ZNF398: variants seen among roughly 807,000 people sequenced by gnomAD.
ZNF398 encodes zinc finger protein 398.
ZNF398 carries 18 observed loss-of-function variants against 41.9 expected under a neutral mutation model. The ratio of observed to expected loss-of-function variants is 0.43; its 90% CI spans 0.30 to 0.64. The LOEUF is 0.64. Among genes scored for constraint, ZNF398 ranks in the 30% least tolerant of loss-of-function variants. The pLI is 0.14. For missense variants in ZNF398, 669 were observed against 822.8 expected, an observed-to-expected ratio of 0.81 and a Z score of 2.29; for synonymous variants, 260 against 308.8, an observed-to-expected ratio of 0.84 and a Z score of 1.66.
At chr7:149,135,559 G>C (rs967040763) in intron 2 of ZNF398, among the ~76,000 whole-genome samples, 5 of 152,008 alleles carry the variant, frequency 3.3e-5, no homozygotes, top group African/African-American at 9.7e-5. Flanking sequence ...GGATGCTGCT[G>C]CGTACACTGC....
In ZNF398 at chr7:149,128,781, T is replaced by TAAAATAAAATAAAATA. The variant is rs1826537779; in HGVS notation, c.-611-41_-611-40insAAATAAAATAAAATAA. 75 of 11,930 alleles carry TAAAATAAAATAAAATA rather than the reference T, an allele frequency of 6.3e-3. 1 individual carries two copies. The highest frequency in any genetic ancestry group is 0.016 in the African/African-American group (70 of 4,416). 0.7% of individuals were successfully genotyped at this position (11,930 alleles called of 1,614,324 possible). A position where few individuals can be genotyped will look rare whatever the true frequency, so the allele number is the denominator to read the frequency against. ...AAAATAAAATAAAATAAAATAAAAT[T>TAAAATAAAATAAAATA]ATATATATATATATATTGTTTGTTT... On this transcript the variant is annotated intron_variant, in intron 1 of 6. Transcript: ENST00000426851.
intron 1 of ZNF398, chr7:149,128,754 A>AT (rs1826534814): frequency 7.1e-6 from 1 of 140,746 alleles, no homozygotes; most frequent in African/African-American, 2.8e-5. Context: ...CTCTGTCTCA[A>AT]AAAAATAAAA....
chr7:149,166,504 G>A (rs1795228434), intron 3 of ZNF398, among the ~76,000 whole-genome samples: 1 of 152,242 alleles, frequency 6.6e-6, no homozygotes, highest in Non-Finnish European at 1.5e-5. Flanking sequence ...GGTTATGGGT[G>A]TGACAGCTGG....
intron 2 of ZNF398, among the ~76,000 whole-genome samples, chr7:149,133,937 G>A (rs544095550): frequency 6.8e-6 from 1 of 147,062 alleles, no homozygotes; most frequent in Non-Finnish European, 1.5e-5. Flanking sequence ...TTTTAGTAGA[G>A]ACGGAGTTTC....
Position 149,179,161 on chromosome 7 carries a change from C to G in ZNF398, c.1289C>G (p.Pro430Arg). The G allele has an allele frequency of 1.2e-6, 2 of 1,613,940 alleles. No individual in the cohort carries two copies. ...AGCACTGAGCGTCCTTTCCCCTGTC[C>G]TGATTGCCCCAAGCGCTTTGCTGAC... The part of the protein sequence containing the change: ...HNSTERPFPC[P>R]DCPKRFADQA... The change falls in exon 6 of 6, where the codon CCT becomes CGT. Residue 430 changes from proline to arginine, a missense_variant. Around this residue, in one of 3 missense-constraint regions of ZNF398, gnomAD observed 290 missense variants for 292.9 expected, o/e 0.99. Coordinates refer to ENST00000475153, the MANE Select transcript of ZNF398 (RefSeq NM_170686.3). The surrounding 1 kb of genome is among the most constrained non-coding windows in gnomAD (Gnocchi z 6.1).
Position 149,155,718 on chromosome 7 carries a change from T to A in ZNF398, c.420+1378T>A, listed in dbSNP as rs1202441. ...ATATATATATATATATTTTTTTTTTTTTTTTTTTTTTAATTTTTTTTTTTT... is the reference window on the plus strand; with the variant it reads ...ATATATATATATATATTTTTTTTTTATTTTTTTTTTTAATTTTTTTTTTTT... On this transcript the variant is annotated intron_variant, in intron 2 of 5. Coordinates refer to ENST00000475153, the MANE Select transcript of ZNF398 (RefSeq NM_170686.3). Among the ~76,000 whole-genome samples the A allele has an allele frequency of 9.0e-4, 22 of 24,328 alleles. 1 individual carries two copies. Among genetic ancestry groups the A allele is most frequent in the South Asian group, 7.4e-3 (3 of 404 alleles). The allele number at this position is 24,328 out of a possible 152,430, so 16.0% of individuals were successfully genotyped here. A position where few individuals can be genotyped will look rare whatever the true frequency, so the allele number is the denominator to read the frequency against.
exon 1 of ZNF398, chr7:149,126,500 G>A (rs902552117): frequency 8.7e-5 from 45 of 518,434 alleles, no homozygotes; most frequent in South Asian, 5.5e-4. Context: ...TCCCGGATCT[G>A]CATGCGAGGG....
chr7:149,151,217 TA>T, intron 1 of ZNF398: 1 of 1,212,428 alleles, frequency 8.2e-7, no homozygotes, highest in Non-Finnish European at 1.1e-6. Context: ...GCACGCTTAC[TA>T]ATCTGCTTAC....
Position 149,147,841 on chromosome 7 carries a change from A to G in ZNF398, c.24+75A>G. On this transcript the variant is annotated intron_variant, in intron 1 of 5. Coordinates refer to ENST00000475153, the MANE Select transcript of ZNF398 (RefSeq NM_170686.3). This position sits in a 1 kb window ranked among gnomAD's most constrained non-coding sequence, Gnocchi z 5.6. ...GAGGGAGGAAGGCGGGCGGGCAGGG[A>G]GCTGCCAGGCATAGGCGCCGTTCTC... The G allele has an allele frequency of 7.6e-7, 1 of 1,308,600 alleles. No individual in the cohort carries two copies. Among genetic ancestry groups the G allele is most frequent in the South Asian group, 2.0e-5 (1 of 49,720 alleles). 81.1% of individuals were successfully genotyped at this position (1,308,600 alleles called of 1,614,324 possible).
intron 2 of ZNF398, among the ~76,000 whole-genome samples, chr7:149,131,349 G>A (rs1431277129): frequency 3.3e-5 from 5 of 152,048 alleles, no homozygotes; most frequent in African/African-American, 4.8e-5. Context: ...TGATAAATAT[G>A]GACTTTTTAT....
intron 2 of ZNF398, among the ~76,000 whole-genome samples, chr7:149,133,654 A>AATATATATATAT (rs146151029): frequency 8.4e-5 from 6 of 71,852 alleles, no homozygotes; most frequent in South Asian, 7.1e-4. Context: ...GTGTTTTTTA[A>AATATATATATAT]ATATATATAT....
upstream of ZNF398, among the ~76,000 whole-genome samples, chr7:149,144,361 A>T (rs1484408299): frequency 1.3e-5 from 2 of 152,108 alleles, no homozygotes; most frequent in Non-Finnish European, 2.9e-5. Flanking sequence ...CCCAGGCTGG[A>T]GTGCAGTGGT....
chr7:149,161,052 T>C (rs79365041), intron 2 of ZNF398, among the ~76,000 whole-genome samples: 5,458 of 152,126 alleles, frequency 0.036, 316 homozygotes, highest in African/African-American at 0.12. Context: ...CCAGGATTCC[T>C]CAGATTTCCC....
intron 4 of ZNF398, among the ~76,000 whole-genome samples, chr7:149,176,109 G>A (rs940578703): frequency 3.9e-5 from 6 of 152,154 alleles, no homozygotes; most frequent in African/African-American, 1.2e-4. Context: ...AAGGTGGGCG[G>A]ATCATGAGGT....
At chr7:149,161,150 C>T (rs1206521005) in intron 2 of ZNF398, among the ~76,000 whole-genome samples, 1 of 152,176 alleles carries the variant, frequency 6.6e-6, no homozygotes, top group Non-Finnish European at 1.5e-5. Flanking sequence ...TATCCCTCCT[C>T]CTCTTTGCTC....
intron 2 of ZNF398, among the ~76,000 whole-genome samples, chr7:149,133,680 C>CACAT (rs1425399453): frequency 2.7e-5 from 1 of 36,476 alleles, no homozygotes; most frequent in African/African-American, 8.7e-5. Context: ...TATATATATA[C>CACAT]ATATATATGT....
chr7:149,127,404 T>G (rs1337388359), intron 1 of ZNF398, among the ~76,000 whole-genome samples: 1 of 151,320 alleles, frequency 6.6e-6, no homozygotes, highest in Non-Finnish European at 1.5e-5. Flanking sequence ...AAAAAAAACC[T>G]TACATTAAAA....
intron 2 of ZNF398, among the ~76,000 whole-genome samples, chr7:149,131,301 T>C (rs1303536798): frequency 2.0e-5 from 3 of 152,248 alleles, no homozygotes; most frequent in Non-Finnish European, 2.9e-5. Context: ...TTTTTGTTCT[T>C]GCTCCTTGTC....
chr7:149,155,725 T>TATTTA (rs1563159571), intron 2 of ZNF398, among the ~76,000 whole-genome samples: 10 of 52,656 alleles, frequency 1.9e-4, no homozygotes, highest in African/African-American at 4.0e-4. Context: ...TTTTTTTTTT[T>TATTTA]TTTTAATTTT....
Sources: gnomAD v4.1 joint callset for allele counts (sites outside exome capture counted in the v4.1 genomes callset) on GRCh38, gnomAD v4.1.1 for gene constraint, gnomAD v4.1.1 regional missense constraint, Gnocchi (gnomAD v3.1) non-coding constraint, MANE v1.5 for transcripts, NCBI Gene and HGNC (gene_info 2026-07-23, HGNC 2026-07-21) for gene names.